Variants in HS3ST3A1 observed in about 807,000 individuals in gnomAD.
HS3ST3A1 encodes the protein heparan sulfate glucosamine 3-O-sulfotransferase 3A1.
Under a neutral mutation model 25.7 loss-of-function variants are expected in HS3ST3A1, and 19 were observed. The ratio of observed to expected loss-of-function variants is 0.74; its 90% CI spans 0.52 to 1.08. The LOEUF is 1.08. HS3ST3A1 is among the 50% of genes least tolerant of loss of function. The pLI is 0.00. For synonymous variants in HS3ST3A1, 226 were observed against 278.6 expected, an observed-to-expected ratio of 0.81 and a Z score of 1.88; for missense variants, 459 against 594.3, an observed-to-expected ratio of 0.77 and a Z score of 2.37.
chr17:13,595,452 G>C (rs80046178), intron 1 of HS3ST3A1, among the ~76,000 whole-genome samples: 4,462 of 152,212 alleles, frequency 0.029, 229 homozygotes, highest in African/African-American at 0.1. Context: ...ATCCCCCAGA[G>C]AGATTTTTAA....
chr17:13,555,709 G>A (rs1483125314), intron 1 of HS3ST3A1, among the ~76,000 whole-genome samples: 6 of 152,084 alleles, frequency 3.9e-5, no homozygotes, highest in African/African-American at 1.5e-4. Flanking sequence ...AAATGCAAAA[G>A]ATGTTTATAA....
intron 1 of HS3ST3A1, among the ~76,000 whole-genome samples, chr17:13,537,064 C>T (rs1445466449): frequency 6.6e-6 from 1 of 152,128 alleles, no homozygotes; most frequent in East Asian, 1.9e-4. Context: ...TGTATGGTGT[C>T]AACTTTGTGC....
chr17:13,525,859 T>C (rs1598414167), intron 1 of HS3ST3A1, among the ~76,000 whole-genome samples: 1 of 152,138 alleles, frequency 6.6e-6, no homozygotes, highest in South Asian at 2.1e-4. Context: ...AGAAGAGAAA[T>C]GTTACCCTTT....
chr17:13,592,543 A>G (rs1483675483), intron 1 of HS3ST3A1, among the ~76,000 whole-genome samples: 1 of 152,258 alleles, frequency 6.6e-6, no homozygotes, highest in African/African-American at 2.4e-5. Flanking sequence ...TAAATCACAG[A>G]AATTATTTTT....
intron 1 of HS3ST3A1, among the ~76,000 whole-genome samples, chr17:13,580,806 G>C (rs189227700): frequency 6.6e-6 from 1 of 151,994 alleles, no homozygotes; most frequent in Non-Finnish European, 1.5e-5. Context: ...CAGTAGAATC[G>C]CTTGAACCCA....
intron 1 of HS3ST3A1, among the ~76,000 whole-genome samples, chr17:13,555,065 G>T (rs554637578): frequency 6.6e-6 from 1 of 152,152 alleles, no homozygotes; most frequent in African/African-American, 2.4e-5. Flanking sequence ...CACCAATGGT[G>T]TCCCACGCTA....
chr17:13,541,068 T>A (rs1370915044), intron 1 of HS3ST3A1, among the ~76,000 whole-genome samples: 2 of 152,228 alleles, frequency 1.3e-5, no homozygotes, highest in African/African-American at 4.8e-5. Flanking sequence ...AAAGCTATGA[T>A]ATAAACTATT....
At chr17:13,545,195 T>C (rs1293781105) in intron 1 of HS3ST3A1, among the ~76,000 whole-genome samples, 1 of 152,194 alleles carries the variant, frequency 6.6e-6, no homozygotes, top group Non-Finnish European at 1.5e-5. Context: ...CATGAATAAA[T>C]ATCGGGCCTT....
intron 1 of HS3ST3A1, among the ~76,000 whole-genome samples, chr17:13,575,014 C>T (rs1443897319): frequency 7.5e-6 from 1 of 133,296 alleles, no homozygotes; most frequent in Non-Finnish European, 1.6e-5. Context: ...TTCACAGTTG[C>T]CCCTACCTGG....
intron 1 of HS3ST3A1, among the ~76,000 whole-genome samples, chr17:13,580,709 T>C (rs558922031): frequency 1.3e-5 from 2 of 152,078 alleles, no homozygotes; most frequent in South Asian, 4.2e-4. Context: ...CTGACCAACA[T>C]GGAGAAACTC....
intron 1 of HS3ST3A1, among the ~76,000 whole-genome samples, chr17:13,497,309 T>C (rs1905316184): frequency 6.6e-6 from 1 of 152,234 alleles, no homozygotes; most frequent in Admixed American, 6.5e-5. Context: ...AATACTTATG[T>C]TTGTAATTAC....
intron 1 of HS3ST3A1, among the ~76,000 whole-genome samples, chr17:13,532,564 A>G (rs557383115): frequency 6.6e-6 from 1 of 152,128 alleles, no homozygotes; most frequent in East Asian, 2.0e-4. Context: ...CCAGGGCCCG[A>G]GGGGGGCCAG....
Position 13,600,523 on chromosome 17 carries a change from C to T in HS3ST3A1, c.599+8G>A. 6.3e-7 allele frequency: 1 copy of T among 1,589,068 alleles called. No individual in the cohort carries two copies. The highest frequency in any genetic ancestry group is 8.5e-7 in the Non-Finnish European group (1 of 1,173,724). On this transcript the variant is annotated splice_region_variant and intron_variant, in intron 1 of 1. Coordinates refer to ENST00000284110, the MANE Select transcript of HS3ST3A1 (RefSeq NM_006042.3). ...CCTTCAGCCCCAGCCCGGGCCCGCCCCGCTCACCGGTACCAGGCGAGGCCC... is the reference window on the plus strand; with the variant it reads ...CCTTCAGCCCCAGCCCGGGCCCGCCTCGCTCACCGGTACCAGGCGAGGCCC...
intron 1 of HS3ST3A1, among the ~76,000 whole-genome samples, chr17:13,540,501 G>T (rs1022955040): frequency 6.6e-6 from 1 of 152,146 alleles, no homozygotes; most frequent in Non-Finnish European, 1.5e-5. Context: ...ATGCTCAATT[G>T]ATAAAATGTA....
At chr17:13,592,166 G>A (rs1908443316) in intron 1 of HS3ST3A1, among the ~76,000 whole-genome samples, 1 of 152,216 alleles carries the variant, frequency 6.6e-6, no homozygotes, top group Non-Finnish European at 1.5e-5. Flanking sequence ...TGGCATGCTG[G>A]AGGTGGGTGA....
intron 1 of HS3ST3A1, 102 bp from the exon 2 acceptor site, chr17:13,496,920 G>T: frequency 6.8e-7 from 1 of 1,478,676 alleles, no homozygotes; most frequent in South Asian, 1.4e-5. Context: ...TCCAGCCCCC[G>T]CAACCCCCCA....
chr17:13,585,878 C>A (rs1908250982), intron 1 of HS3ST3A1, among the ~76,000 whole-genome samples: 1 of 116,606 alleles, frequency 8.6e-6, no homozygotes, highest in Non-Finnish European at 1.6e-5. Context: ...CTGACAGAGT[C>A]TCGCTCTGTC....
At chr17:13,587,663 G>C (rs748083087) in intron 1 of HS3ST3A1, among the ~76,000 whole-genome samples, 3 of 151,798 alleles carry the variant, frequency 2.0e-5, no homozygotes, top group Non-Finnish European at 2.9e-5. Context: ...GAGAGAGCAG[G>C]GGATGATTTA....
At chr17:13,587,724 T>C (rs1451284217) in intron 1 of HS3ST3A1, among the ~76,000 whole-genome samples, 1 of 152,152 alleles carries the variant, frequency 6.6e-6, no homozygotes, top group African/African-American at 2.4e-5. Flanking sequence ...AAACAGATGA[T>C]TAAGCTTGAA....
Sources: gnomAD v4.1 joint callset for allele counts (sites outside exome capture counted in the v4.1 genomes callset) on GRCh38, gnomAD v4.1.1 for gene constraint, MANE v1.5 for transcripts, NCBI Gene and HGNC (gene_info 2026-07-23, HGNC 2026-07-21) for gene names.